Variants in GSG1L2 observed in about 807,000 individuals in gnomAD.
GSG1L2 encodes the protein GSG1 like 2.
A neutral mutation model predicts 9.0 loss-of-function variants in GSG1L2; 15 were observed. The observed-to-expected ratio is 1.67, with a 90% confidence interval of 1.12 to 2.57. The LOEUF (loss-of-function observed/expected upper bound fraction) is 2.57, where lower values mean the gene tolerates loss of function less well. Among genes scored for constraint, GSG1L2 ranks in the 30% most tolerant of loss-of-function variants. The probability of loss-of-function intolerance (pLI) is 0.00; values close to 1 mark genes in which losing one functional copy is unlikely to be tolerated. For synonymous variants in GSG1L2, 127 were observed against 57.9 expected, an observed-to-expected ratio of 2.19 and a Z score of -5.41; for missense variants, 286 against 150.3, an observed-to-expected ratio of 1.90 and a Z score of -4.72.
At chr17:9,818,396 C>T (rs927932214) in intron 1 of GSG1L2, among the ~76,000 whole-genome samples, 3 of 151,372 alleles carry the variant, frequency 2.0e-5, no homozygotes, top group Admixed American at 6.6e-5. Flanking sequence ...TGTAATGGTG[C>T]GATCTCGGCT....
At chr17:9,817,910 G>A (rs994557732) in intron 1 of GSG1L2, among the ~76,000 whole-genome samples, 1 of 152,004 alleles carries the variant, frequency 6.6e-6, no homozygotes, top group Non-Finnish European at 1.5e-5. Flanking sequence ...CAAATACCTG[G>A]GTTATGCTGC....
chr17:9,802,060 A>C lies in GSG1L2; in HGVS notation c.*326T>G, dbSNP rs1215522405. ...AAAGACTTGCTTTCCTCTTTCTTCA[A>C]CTTCTCTTCCCTTAGTACTGGCATC... On this transcript the variant is annotated 3_prime_UTR_variant, in exon 5 of 5. Coordinates refer to ENST00000399363, the MANE Select transcript of GSG1L2 (RefSeq NM_001310219.2). Among the ~76,000 whole-genome samples, 2 of 152,062 alleles carry C rather than the reference A, an allele frequency of 1.3e-5. No homozygotes were observed. Among genetic ancestry groups the C allele is most frequent in the Admixed American group, 1.3e-4 (2 of 15,266 alleles).
Position 9,822,068 on chromosome 17 carries a change from C to G in GSG1L2, c.4G>C (p.Asp2His), listed in dbSNP as rs528766581. The G allele has an allele frequency of 5.7e-6, 4 of 698,504 alleles. No homozygotes were observed. The African/African-American group carries it at 7.0e-5, about 12-fold the overall frequency. The allele number at this position is 698,504 out of a possible 1,614,324, so 43.3% of individuals were successfully genotyped here. M[D>H]RAKQQQALLL... is the part of the protein sequence containing the mutation. Reference sequence around the variant, plus strand: ...AGCGCCTGCTGCTGCTTGGCCCTGTCCATGGCTGAGTGAGGTGCGTGGGGC... The same window carrying G: ...AGCGCCTGCTGCTGCTTGGCCCTGTGCATGGCTGAGTGAGGTGCGTGGGGC... The change falls in exon 1 of 5, where the codon GAC (aspartate) becomes CAC (histidine). Residue 2 changes from aspartate (D) to histidine (H), a missense_variant. By Grantham distance (81) the Asp-to-His change is moderately conservative. Coordinates refer to ENST00000399363, the MANE Select transcript of GSG1L2 (RefSeq NM_001310219.2).
rs2066566725 is a variant in GSG1L2, at chr17:9,816,772, CGTGTGTGTCTGTGTGTGCGTATCT to C, written c.310+4966_310+4989del. On this transcript the variant is annotated intron_variant, in intron 1 of 4. Coordinates refer to ENST00000399363, the MANE Select transcript of GSG1L2 (RefSeq NM_001310219.2). The stretch of plus-strand genomic sequence containing the variant: ...GTGTGTGTATCTGTGTCTGTGTGTG[CGTGTGTGTCTGTGTGTGCGTATCT>C]GTGTATGTGTGTCTGTTGTATCTGT... Among the ~76,000 whole-genome samples, 12 of 64,694 alleles carry C rather than the reference CGTGTGTGTCTGTGTGTGCGTATCT, an allele frequency of 1.9e-4. No individual in the cohort carries two copies. In the South Asian group the frequency reaches 0.012, roughly 65 times the overall value. 42.4% of individuals were successfully genotyped at this position (64,694 alleles called of 152,430 possible).
In GSG1L2 at chr17:9,813,204, C is replaced by G. The variant is rs187045641; in HGVS notation, c.311-2586G>C. Among the ~76,000 whole-genome samples the G allele has an allele frequency of 2.1e-3, 323 of 152,248 alleles. 2 individuals are homozygous for G. The highest frequency in any genetic ancestry group is 7.3e-3 in the African/African-American group (305 of 41,546). On this transcript the variant is annotated intron_variant, in intron 1 of 4. Coordinates refer to ENST00000399363, the MANE Select transcript of GSG1L2 (RefSeq NM_001310219.2). Reference sequence around the variant, plus strand: ...CCTTAAGATTTGCCATGCCCATGCTCGTGAATTTCCAAGTGCCCGTAGGCC... The same window carrying G: ...CCTTAAGATTTGCCATGCCCATGCTGGTGAATTTCCAAGTGCCCGTAGGCC...
intron 1 of GSG1L2, among the ~76,000 whole-genome samples, chr17:9,821,199 G>T (rs146994086): frequency 1.3e-5 from 2 of 152,278 alleles, no homozygotes; most frequent in South Asian, 2.1e-4. Context: ...GTCCCTGAAC[G>T]CGGGCTTACA....
intron 1 of GSG1L2, among the ~76,000 whole-genome samples, chr17:9,814,620 A>G (rs1267530225): frequency 6.6e-6 from 1 of 152,212 alleles, no homozygotes; most frequent in African/African-American, 2.4e-5. Context: ...ATGAATCCTT[A>G]GAAATGGTGT....
At chr17:9,817,707 G>T (rs1035716024) in intron 1 of GSG1L2, among the ~76,000 whole-genome samples, 1 of 152,036 alleles carries the variant, frequency 6.6e-6, no homozygotes, top group African/African-American at 2.4e-5. Context: ...TTACAGATGT[G>T]AGCCACCATA....
At chr17:9,821,557 G>A (rs1461347915) in intron 1 of GSG1L2, among the ~76,000 whole-genome samples, 1 of 152,200 alleles carries the variant, frequency 6.6e-6, no homozygotes, top group East Asian at 1.9e-4. Flanking sequence ...CTGAGGCTCA[G>A]AGAGGTGAAG....
At chr17:9,815,006 G>T (rs1041162463) in intron 1 of GSG1L2, among the ~76,000 whole-genome samples, 2 of 152,230 alleles carry the variant, frequency 1.3e-5, no homozygotes, top group African/African-American at 4.8e-5. Flanking sequence ...TGGGATCAAA[G>T]ATGTGGGTTC....
At chr17:9,818,037 T>A (rs1439808931) in intron 1 of GSG1L2, among the ~76,000 whole-genome samples, 1 of 152,184 alleles carries the variant, frequency 6.6e-6, no homozygotes, top group Non-Finnish European at 1.5e-5. Flanking sequence ...TATGAGGTCC[T>A]CCCTATGCCT....
intron 1 of GSG1L2, among the ~76,000 whole-genome samples, chr17:9,819,023 TC>T (rs1432686327): frequency 6.6e-6 from 1 of 152,162 alleles, no homozygotes; most frequent in Admixed American, 6.5e-5. Flanking sequence ...CTGTGCTGAC[TC>T]CCTTCTTTCC....
rs757921577 is a variant in GSG1L2, at chr17:9,808,873, C to G, written c.468G>C (p.Trp156Cys). 8 of 702,846 alleles carry G rather than the reference C, an allele frequency of 1.1e-5. No homozygotes were observed. The highest frequency in any genetic ancestry group is 8.0e-5 in the Admixed American group (4 of 49,986). The allele number at this position is 702,846 out of a possible 1,614,324, so 43.5% of individuals were successfully genotyped here. A position where few individuals can be genotyped will look rare whatever the true frequency, so the allele number is the denominator to read the frequency against. The change falls in exon 3 of 5, where the codon TGG becomes TGC. Residue 156 changes from tryptophan (W) to cysteine (C), a missense_variant. Physicochemically the swap from Trp to Cys is radical, Grantham distance 215 (BLOSUM62 -2). Transcript: ENST00000399363. ...TGGCTACCAAGGCATCCACCCTGAGCCAGTGGAACCCAGGGCTGCGACAAC... is the reference window on the plus strand; with the variant it reads ...TGGCTACCAAGGCATCCACCCTGAGGCAGTGGAACCCAGGGCTGCGACAAC... ...RVSCRSPGFH[W>C]LRVDALVAIF...
At chr17:9,808,651 TAAA>T in intron 3 of GSG1L2, 176 bp downstream of exon 3, 1 of 571,952 alleles carries the variant, frequency 1.7e-6, no homozygotes, top group Middle Eastern at 4.6e-4. Flanking sequence ...TCTGTCACCC[TAAA>T]AATATTGTCT....
rs1291253790 is a variant in GSG1L2 at position 9,820,830 on chromosome 17, AC to A, written c.310+931del. On this transcript the variant is annotated intron_variant, in intron 1 of 4. Coordinates refer to ENST00000399363, the MANE Select transcript of GSG1L2 (RefSeq NM_001310219.2). The surrounding 1 kb of genome is among the most constrained non-coding windows in gnomAD (Gnocchi z 4.9). ...CATGTCCAGCTAATTTTTTAAAAAA[AC>A]CTTTTGTAAAGAGAGGTCTCACTAT... is the stretch of plus-strand genomic sequence containing the variant. 5.3e-5 allele frequency among the ~76,000 whole-genome samples: 8 copies of A among 151,930 alleles called. No individual in the cohort carries two copies. Among genetic ancestry groups the A allele is most frequent in the African/African-American group, 1.7e-4 (7 of 41,360 alleles).
chr17:9,807,146 C>T (rs542358115), intron 4 of GSG1L2, among the ~76,000 whole-genome samples: 1 of 152,234 alleles, frequency 6.6e-6, no homozygotes, highest in Admixed American at 6.5e-5. Flanking sequence ...GGGTCTCCCC[C>T]AGTTGAAGTT....
intron 4 of GSG1L2, among the ~76,000 whole-genome samples, chr17:9,803,499 G>C (rs758471401): frequency 6.6e-6 from 1 of 152,216 alleles, no homozygotes; most frequent in Non-Finnish European, 1.5e-5. Context: ...CCAGCACTGT[G>C]TTGGGAACAT....
intron 1 of GSG1L2, among the ~76,000 whole-genome samples, chr17:9,814,910 C>A (rs1252415417): frequency 6.6e-6 from 1 of 152,222 alleles, no homozygotes; most frequent in Non-Finnish European, 1.5e-5. Context: ...CTAAAATCCA[C>A]ACATTTTGTG....
chr17:9,815,968 G>A (rs931927077), intron 1 of GSG1L2, among the ~76,000 whole-genome samples: 1 of 152,096 alleles, frequency 6.6e-6, no homozygotes, highest in Admixed American at 6.5e-5. Context: ...TAGTGGTTTT[G>A]TAGGAAGAGG....
Sources: gnomAD v4.1 joint callset for allele counts (sites outside exome capture counted in the v4.1 genomes callset) on GRCh38, gnomAD v4.1.1 for gene constraint, Gnocchi (gnomAD v3.1) non-coding constraint, MANE v1.5 for transcripts, NCBI Gene and HGNC (gene_info 2026-07-23, HGNC 2026-07-21) for gene names.